Variants in NT5DC1 observed in about 807,000 individuals in gnomAD.
NT5DC1 encodes 5'-nucleotidase domain containing 1.
In NT5DC1, 42 loss-of-function variants were observed where a neutral mutation model predicts 59.4. The observed-to-expected ratio is 0.71, with a 90% CI of 0.55 to 0.92. The LOEUF (loss-of-function observed/expected upper bound fraction) is 0.92. Among genes scored for constraint, NT5DC1 ranks in the 40% least tolerant of loss-of-function variants. The pLI, the probability that NT5DC1 is intolerant of heterozygous loss-of-function variation, is 0.00. For synonymous variants in NT5DC1, 172 were observed against 188.1 expected (o/e 0.91, Z 0.70); for missense variants, 501 against 537.1 (o/e 0.93, Z 0.66).
rs1002811628 is a variant in NT5DC1 at position 116,239,050 on chromosome 6, G to A, written c.1179G>A (p.Leu393=). Residue 393 remains leucine (L), a synonymous_variant, in exon 11 of 12, where the codon TTG becomes TTA. Transcript: ENST00000319550. ...GACTGGAAAATACAGAAGACTCCTT[G>A]GTTTATACATGGTCTTGTAAGAGAA... ...VLGLENTEDS[L]VYTWSCKRIS... 1.2e-6 allele frequency: 2 copies of A among 1,610,186 alleles called. No individual in the cohort carries two copies. Among genetic ancestry groups the A allele is most frequent in the African/African-American group, 1.3e-5 (1 of 74,940 alleles).
At chr6:116,219,316 C>T (rs1781746877) in intron 6 of NT5DC1, among the ~76,000 whole-genome samples, 1 of 152,072 alleles carries the variant, frequency 6.6e-6, no homozygotes, top group Admixed American at 6.5e-5. Flanking sequence ...ATGGGAAAGT[C>T]CAGTAGTAGA....
intron 6 of NT5DC1, among the ~76,000 whole-genome samples, chr6:116,194,754 CAAAT>C (rs1781190156): frequency 6.6e-6 from 1 of 151,936 alleles, no homozygotes; most frequent in Non-Finnish European, 1.5e-5. Context: ...GAGTTAGAAA[CAAAT>C]GACTAAAGGT....
intron 6 of NT5DC1, among the ~76,000 whole-genome samples, chr6:116,177,979 C>T (rs1365762838): frequency 1.3e-5 from 2 of 152,044 alleles, no homozygotes; most frequent in South Asian, 4.1e-4. Context: ...CCTTTCACTG[C>T]AGCATCAAGG....
intron 11 of NT5DC1, among the ~76,000 whole-genome samples, chr6:116,242,006 T>C (rs933405421): frequency 2.0e-5 from 3 of 150,756 alleles, no homozygotes; most frequent in Non-Finnish European, 4.4e-5. Context: ...AAATGTTTAA[T>C]TTAAACCTGA....
At chr6:116,214,114 T>TA (rs936330484) in intron 6 of NT5DC1, among the ~76,000 whole-genome samples, 1 of 152,104 alleles carries the variant, frequency 6.6e-6, no homozygotes, top group Admixed American at 6.6e-5. Flanking sequence ...CCTGATACTG[T>TA]AAGTGGCAAA....
intron 5 of NT5DC1, among the ~76,000 whole-genome samples, chr6:116,117,063 C>G (rs961346232): frequency 2.6e-5 from 4 of 152,116 alleles, no homozygotes; most frequent in African/African-American, 9.7e-5. Flanking sequence ...TCTTTCATAT[C>G]GAAATTCAGG....
intron 6 of NT5DC1, among the ~76,000 whole-genome samples, chr6:116,166,280 A>G (rs1295192572): frequency 6.6e-6 from 1 of 152,136 alleles, no homozygotes; most frequent in Non-Finnish European, 1.5e-5. Context: ...CCATTCATCT[A>G]TGTCTTTGAT....
At chr6:116,152,790 A>G (rs1780079699) in intron 6 of NT5DC1, among the ~76,000 whole-genome samples, 1 of 152,060 alleles carries the variant, frequency 6.6e-6, no homozygotes. Flanking sequence ...GCACCATTCC[A>G]TTTTTCTTGA....
rs140963325 is a variant in NT5DC1, at chr6:116,101,206, T to G, written c.93+183T>G. The stretch of plus-strand genomic sequence containing the variant: ...GTGTGCAGCCTCCGCTCCGCGCCGG[T>G]GCCGTGGGGACCGGCACATTTACCT... On this transcript the variant is annotated intron_variant, in intron 1 of 11. Coordinates refer to ENST00000319550, the MANE Select transcript of NT5DC1 (RefSeq NM_152729.3). Among the ~76,000 whole-genome samples, 415 of 152,148 alleles carry G rather than the reference T, an allele frequency of 2.7e-3. 2 individuals are homozygous for G. Among genetic ancestry groups the G allele is most frequent in the African/African-American group, 9.7e-3 (401 of 41,502 alleles).
At chr6:116,229,308 T>C (rs1582883975) in intron 8 of NT5DC1, among the ~76,000 whole-genome samples, 2 of 152,316 alleles carry the variant, frequency 1.3e-5, no homozygotes, top group East Asian at 3.9e-4. Flanking sequence ...TCATCCCTTG[T>C]GTGAAATGGC....
chr6:116,115,877 G>A lies in NT5DC1; in HGVS notation c.444+107G>A, dbSNP rs1182011552. 4 of 551,184 alleles carry A rather than the reference G, an allele frequency of 7.3e-6. No individual in the cohort carries two copies. The African/African-American group carries it at 7.7e-5, about 11-fold the overall frequency. 34.1% of individuals were successfully genotyped at this position (551,184 alleles called of 1,614,324 possible). ...TGTGATTTTGCTTAGTTTCTTCTTT[G>A]TGGTTTCAGAGCTGACTGGGAAAGA... On this transcript the variant is annotated intron_variant, in intron 5 of 11. Transcript: ENST00000319550.
intron 8 of NT5DC1, 67 bp downstream of exon 8, chr6:116,223,198 T>G (rs1259255183): frequency 1.3e-6 from 1 of 769,394 alleles, no homozygotes; most frequent in Non-Finnish European, 2.2e-6. Flanking sequence ...CAGAACACTG[T>G]GTTGCATGCA....
At chr6:116,167,659 T>C (rs905513746) in intron 6 of NT5DC1, among the ~76,000 whole-genome samples, 3 of 152,212 alleles carry the variant, frequency 2.0e-5, no homozygotes, top group Admixed American at 6.5e-5. Flanking sequence ...TCGTTAGTTT[T>C]TAATTTGTTT....
chr6:116,146,942 A>G (rs982064218), intron 6 of NT5DC1, among the ~76,000 whole-genome samples: 1 of 150,746 alleles, frequency 6.6e-6, no homozygotes, highest in Non-Finnish European at 1.5e-5. Flanking sequence ...AAAATAAATT[A>G]TAAAACTACC....
chr6:116,205,529 A>G (rs561988852), intron 6 of NT5DC1, among the ~76,000 whole-genome samples: 1 of 152,056 alleles, frequency 6.6e-6, no homozygotes, highest in South Asian at 2.1e-4. Flanking sequence ...CTCTACACAG[A>G]TATACAGAGC....
chr6:116,117,870 G>C lies in NT5DC1; in HGVS notation c.454G>C (p.Gly152Arg). The change falls in exon 6 of 12, where the codon GGT (glycine) becomes CGT (arginine). Residue 152 changes from glycine (G) to arginine (R), a missense_variant. Transcript: ENST00000319550. Reference protein sequence around the residue: ...VVDYLTKLNNGQKTFDFWKDI... With the variant: ...VVDYLTKLNNRQKTFDFWKDI... The stretch of plus-strand genomic sequence containing the variant: ...GGAATTATTTTTTCAGCTGAACAAT[G>C]GTCAAAAAACATTTGATTTTTGGAA... 1 of 1,554,076 alleles carries C rather than the reference G, an allele frequency of 6.4e-7. No individual in the cohort carries two copies. Among genetic ancestry groups the C allele is most frequent in the Non-Finnish European group, 8.9e-7 (1 of 1,129,560 alleles).
At chr6:116,107,560 A>ATTTTAT (rs773641723) in intron 2 of NT5DC1, among the ~76,000 whole-genome samples, 71 of 147,090 alleles carry the variant, frequency 4.8e-4, no homozygotes, top group Admixed American at 2.8e-3. Flanking sequence ...ATTTTATTTT[A>ATTTTAT]TTTTATTTTA....
At chr6:116,163,807 A>G (rs934946135) in intron 6 of NT5DC1, among the ~76,000 whole-genome samples, 5 of 152,114 alleles carry the variant, frequency 3.3e-5, no homozygotes, top group Admixed American at 1.3e-4. Flanking sequence ...GATATGTTAC[A>G]TGTCTATATT....
In NT5DC1 at chr6:116,130,363, G is replaced by A. The variant is rs114068999; in HGVS notation, c.529+12418G>A. 2.0e-3 allele frequency among the ~76,000 whole-genome samples: 297 copies of A among 152,124 alleles called. 1 individual carries two copies. The highest frequency in any genetic ancestry group is 6.8e-3 in the African/African-American group (281 of 41,524). The stretch of plus-strand genomic sequence containing the variant: ...CGTGGCACTTATTAATCTTACTATT[G>A]TTCAGAATTTTTTCCCCATTTTTGG... On this transcript the variant is annotated intron_variant, in intron 6 of 11. Coordinates refer to ENST00000319550, the MANE Select transcript of NT5DC1 (RefSeq NM_152729.3).
Sources: gnomAD v4.1 joint callset for allele counts (sites outside exome capture counted in the v4.1 genomes callset) on GRCh38, gnomAD v4.1.1 for gene constraint, MANE v1.5 for transcripts, NCBI Gene and HGNC (gene_info 2026-07-23, HGNC 2026-07-21) for gene names.